Variants in ATP13A3 observed in about 807,000 individuals in gnomAD.
ATP13A3 encodes ATPase 13A3, also known as polyamine-transporting ATPase 13A3.
ATP13A3 carries 59 observed loss-of-function variants against 158.1 expected under a neutral mutation model. The observed-to-expected ratio is 0.37, with a 90% confidence interval of 0.30 to 0.46. The LOEUF (loss-of-function observed/expected upper bound fraction) is 0.46, where lower values mean the gene tolerates loss of function less well. Ranked by LOEUF, ATP13A3 falls within the 20% of genes least tolerant of loss-of-function variation. The probability of loss-of-function intolerance (pLI) is 1.00; values close to 1 mark genes in which losing one functional copy is unlikely to be tolerated. For missense variants in ATP13A3, 1,166 were observed against 1,525.2 expected (o/e 0.76, Z 3.92); for synonymous variants, 491 against 504.3 (o/e 0.97, Z 0.35).
upstream of ATP13A3, among the ~76,000 whole-genome samples, chr3:194,490,726 G>A (rs1246718110): frequency 1.3e-5 from 2 of 152,230 alleles, no homozygotes; most frequent in Admixed American, 6.5e-5. This position sits in a 1 kb window ranked among gnomAD's most constrained non-coding sequence, Gnocchi z 4.4. Flanking sequence ...AGGAAGAAGT[G>A]GAGCTTTTAG....
At chr3:194,457,029 T>C in intron 7 of ATP13A3, 65 bp downstream of exon 7, 1 of 1,159,582 alleles carries the variant, frequency 8.6e-7, no homozygotes, top group Non-Finnish European at 1.3e-6. Flanking sequence ...GGTAAAGGGT[T>C]GATTATGTAT....
intron 2 of ATP13A3, among the ~76,000 whole-genome samples, chr3:194,463,224 T>G (rs181712578): frequency 1.3e-5 from 2 of 152,186 alleles, no homozygotes; most frequent in Non-Finnish European, 2.9e-5. Flanking sequence ...ACCTTCTGAT[T>G]ATTCCTGACT....
chr3:194,432,031 A>C, intron 21 of ATP13A3, 139 bp from the exon 22 acceptor site: 1 of 685,722 alleles, frequency 1.5e-6, no homozygotes, highest in Non-Finnish European at 2.1e-6. Flanking sequence ...TTCCACTTAC[A>C]GTTTAAAAAT....
chr3:194,490,272 G>T (rs1721131127), upstream of ATP13A3, among the ~76,000 whole-genome samples: 2 of 152,166 alleles, frequency 1.3e-5, no homozygotes. The surrounding 1 kb of genome is among the most constrained non-coding windows in gnomAD (Gnocchi z 4.4). Flanking sequence ...GAGAGGCAAA[G>T]CCTCCTCCTA....
At chr3:194,458,470 C>T (rs570152225) in intron 6 of ATP13A3, among the ~76,000 whole-genome samples, 5 of 152,230 alleles carry the variant, frequency 3.3e-5, no homozygotes, top group South Asian at 2.1e-4. Context: ...CTCACTGCAA[C>T]CTCCGGCCCC....
In ATP13A3 at chr3:194,444,709, TCTAA is replaced by T. The variant is rs1320168394; in HGVS notation, c.1559+12_1559+15del. On this transcript the variant is annotated intron_variant, in intron 15 of 33. Coordinates refer to ENST00000645319, the MANE Select transcript of ATP13A3 (RefSeq NM_001367549.1). Reference sequence around the variant, plus strand: ...AAAAATAAACTAATAAACTATCAAGTCTAACTAATATTTACCGTGCATTTTCCAC... The same window carrying T: ...AAAAATAAACTAATAAACTATCAAGTCTAATATTTACCGTGCATTTTCCAC... The T allele has an allele frequency of 1.3e-5, 21 of 1,565,246 alleles. No individual in the cohort carries two copies. The highest frequency in any genetic ancestry group is 2.3e-5 in the East Asian group (1 of 44,322).
At chr3:194,437,065 T>C in intron 20 of ATP13A3, 30 bp downstream of exon 20, 8 of 1,606,786 alleles carry the variant, frequency 5.0e-6, no homozygotes, top group Non-Finnish European at 6.8e-6. Context: ...TGATGATGAC[T>C]GGGAAACTAG....
At chr3:194,450,031 C>A in intron 11 of ATP13A3, 114 bp downstream of exon 11, 1 of 1,109,352 alleles carries the variant, frequency 9.0e-7, no homozygotes, top group South Asian at 1.6e-5. Context: ...CAATATCCAA[C>A]ATATTCATGA....
chr3:194,406,432 A>G (rs1714941240), intron 33 of ATP13A3, among the ~76,000 whole-genome samples: 2 of 152,160 alleles, frequency 1.3e-5, no homozygotes, highest in Admixed American at 6.5e-5. Flanking sequence ...GCTTTCAATT[A>G]TTTAGGAACT....
chr3:194,410,230 C>A (rs748133269), intron 33 of ATP13A3, among the ~76,000 whole-genome samples: 4 of 129,734 alleles, frequency 3.1e-5, no homozygotes, highest in Non-Finnish European at 4.7e-5. Flanking sequence ...GAGGCCGAGG[C>A]AGGCAGATGG....
chr3:194,426,812 C>A (rs541743612), intron 29 of ATP13A3, among the ~76,000 whole-genome samples: 1 of 152,220 alleles, frequency 6.6e-6, no homozygotes, highest in East Asian at 1.9e-4. Context: ...CAGAAAGGCA[C>A]CACCATGCCC....
intron 2 of ATP13A3, among the ~76,000 whole-genome samples, chr3:194,469,391 C>G (rs1410011999): frequency 6.6e-6 from 1 of 151,668 alleles, no homozygotes; most frequent in Admixed American, 6.6e-5. Flanking sequence ...ACCCAGGAGG[C>G]GGAGGGTTGC....
rs767254782 is a variant in ATP13A3, at chr3:194,453,762, T to A, written c.782A>T (p.His261Leu). The A allele has an allele frequency of 4.3e-6, 7 of 1,613,568 alleles. No homozygotes were observed. The highest frequency in any genetic ancestry group is 5.9e-6 in the Non-Finnish European group (7 of 1,179,686). Residue 261 changes from histidine to leucine, a missense_variant, in exon 10 of 34, where the codon CAT becomes CTT. His to Leu is a moderately conservative substitution (Grantham distance 99). This residue lies in a region of ATP13A3 where 997 missense variants were observed against 1,341.2 expected (regional missense o/e 0.74). Coordinates refer to ENST00000645319, the MANE Select transcript of ATP13A3 (RefSeq NM_001367549.1). ...YSIRKQYVML[H>L]DMVATHSTVR... is the part of the protein sequence containing the mutation. ...GGTACTATGAGTTGCCACCATGTCATGCAACATAACATATTGCTGAAAGAG... is the reference window on the plus strand; with the variant it reads ...GGTACTATGAGTTGCCACCATGTCAAGCAACATAACATATTGCTGAAAGAG...
chr3:194,473,825 A>C (rs567320587), intron 2 of ATP13A3, among the ~76,000 whole-genome samples: 1 of 152,242 alleles, frequency 6.6e-6, no homozygotes, highest in Non-Finnish European at 1.5e-5. Flanking sequence ...TATGGAATTA[A>C]GGAGAATGAG....
rs755800978 is a variant in ATP13A3 at position 194,444,714 on chromosome 3, C to A, written c.1559+11G>T. 1 of 1,575,478 alleles carries A rather than the reference C, an allele frequency of 6.3e-7. No homozygotes were observed. The highest frequency in any genetic ancestry group is 8.6e-7 in the Non-Finnish European group (1 of 1,163,704). On this transcript the variant is annotated intron_variant, in intron 15 of 33. Coordinates refer to ENST00000645319, the MANE Select transcript of ATP13A3 (RefSeq NM_001367549.1). ...TAAACTAATAAACTATCAAGTCTAA[C>A]TAATATTTACCGTGCATTTTCCACT... is the stretch of plus-strand genomic sequence containing the variant.
At chr3:194,434,406 T>C (rs1717468564) in intron 20 of ATP13A3, among the ~76,000 whole-genome samples, 1 of 152,204 alleles carries the variant, frequency 6.6e-6, no homozygotes, top group African/African-American at 2.4e-5. Context: ...ATATTACTAA[T>C]ATAGTTATCA....
chr3:194,445,729 A>G (rs1434501843), intron 14 of ATP13A3, among the ~76,000 whole-genome samples: 1 of 152,196 alleles, frequency 6.6e-6, no homozygotes, highest in East Asian at 1.9e-4. Flanking sequence ...TTTCTGTAAT[A>G]ATGAAATGCA....
intron 2 of ATP13A3, 51 bp from the exon 3 acceptor site, chr3:194,462,287 G>T: frequency 8.1e-7 from 1 of 1,231,708 alleles, no homozygotes; most frequent in Non-Finnish European, 1.2e-6. Flanking sequence ...TATCTTAGTA[G>T]ACGATACAAC....
chr3:194,467,464 G>A lies in ATP13A3; in HGVS notation c.-46-5228C>T, dbSNP rs186578391. Among the ~76,000 whole-genome samples the A allele has an allele frequency of 7.9e-5, 12 of 152,168 alleles. No homozygotes were observed. The South Asian group carries it at 1.7e-3, about 21-fold the overall frequency. On this transcript the variant is annotated intron_variant, in intron 2 of 33. Coordinates refer to ENST00000645319, the MANE Select transcript of ATP13A3 (RefSeq NM_001367549.1). ...TTTATGAGTGTAATTTCTCTAAAAC[G>A]TAGTTGTTTTTTAAAGCAAATTAAG...
Sources: gnomAD v4.1 joint callset for allele counts (sites outside exome capture counted in the v4.1 genomes callset) on GRCh38, gnomAD v4.1.1 for gene constraint, gnomAD v4.1.1 regional missense constraint, Gnocchi (gnomAD v3.1) non-coding constraint, MANE v1.5 for transcripts, NCBI Gene and HGNC (gene_info 2026-07-23, HGNC 2026-07-21) for gene names.